Variants in CDC42BPA observed in about 807,000 individuals in gnomAD.
The protein encoded by CDC42BPA is CDC42 binding protein kinase alpha.
Under a neutral mutation model 223.5 loss-of-function variants are expected in CDC42BPA, and 80 were observed. The ratio of observed to expected loss-of-function variants is 0.36; its 90% CI spans 0.30 to 0.43. The LOEUF (loss-of-function observed/expected upper bound fraction) is 0.43. Ranked by LOEUF, CDC42BPA falls within the 20% of genes least tolerant of loss-of-function variation. CDC42BPA has a pLI of 1.00. For synonymous variants in CDC42BPA, 694 were observed against 718.6 expected (o/e 0.97, Z 0.55); for missense variants, 1,743 against 2,099.9 (o/e 0.83, Z 3.32).
At chr1:227,133,584 T>C (rs1657823435) in intron 10 of CDC42BPA, among the ~76,000 whole-genome samples, 1 of 152,178 alleles carries the variant, frequency 6.6e-6, no homozygotes, top group South Asian at 2.1e-4. Context: ...CAGAGAGAAG[T>C]AGACATGGGA....
At chr1:227,298,539 C>T (rs932295782) in intron 1 of CDC42BPA, among the ~76,000 whole-genome samples, 4 of 152,150 alleles carry the variant, frequency 2.6e-5, no homozygotes, top group Non-Finnish European at 4.4e-5. Context: ...CCTTGCCCTA[C>T]GCATCACTTC....
chr1:227,032,483 T>C (rs975548126), intron 27 of CDC42BPA, among the ~76,000 whole-genome samples: 10 of 152,096 alleles, frequency 6.6e-5, no homozygotes, highest in Admixed American at 4.6e-4. Context: ...CCACTCAAGA[T>C]TGCATCGTGG....
chr1:227,140,426 GA>G (rs754252468), intron 9 of CDC42BPA, among the ~76,000 whole-genome samples: 10 of 152,030 alleles, frequency 6.6e-5, no homozygotes, highest in Non-Finnish European at 1.2e-4. Flanking sequence ...AGTAACTTTG[GA>G]AAAAGCTAAG....
At chr1:227,216,389 A>C (rs1674856529) in intron 2 of CDC42BPA, among the ~76,000 whole-genome samples, 1 of 152,236 alleles carries the variant, frequency 6.6e-6, no homozygotes, top group African/African-American at 2.4e-5. Context: ...GTTATCAGGA[A>C]TGCCATGCTG....
chr1:227,044,770 T>C (rs1558362928), intron 23 of CDC42BPA, among the ~76,000 whole-genome samples: 8 of 152,210 alleles, frequency 5.3e-5, no homozygotes, highest in Admixed American at 2.0e-4. Context: ...ATATGTAATG[T>C]CTAAGTTATT....
chr1:227,090,834 G>T (rs1051216794), intron 16 of CDC42BPA, among the ~76,000 whole-genome samples: 3 of 152,048 alleles, frequency 2.0e-5, no homozygotes, highest in African/African-American at 7.2e-5. Context: ...TAAACTTCTG[G>T]TTAATATTAG....
At chr1:227,172,523 G>A (rs1346975191) in intron 5 of CDC42BPA, among the ~76,000 whole-genome samples, 2 of 152,044 alleles carry the variant, frequency 1.3e-5, no homozygotes, top group African/African-American at 4.8e-5. Flanking sequence ...CAAATTATGT[G>A]TAATTATGAA....
intron 3 of CDC42BPA, among the ~76,000 whole-genome samples, chr1:227,209,329 C>CATTA (rs1282339545): frequency 2.0e-5 from 3 of 147,400 alleles, no homozygotes; most frequent in African/African-American, 7.6e-5. Flanking sequence ...TCCTCTTTTC[C>CATTA]TAATTGAATA....
At chr1:227,078,377 T>C (rs1679937149) in intron 17 of CDC42BPA, among the ~76,000 whole-genome samples, 1 of 152,160 alleles carries the variant, frequency 6.6e-6, no homozygotes, top group Non-Finnish European at 1.5e-5. Flanking sequence ...AAATGTTTAG[T>C]TACAAGTTAC....
At chr1:227,273,455 C>CACTCA (rs1182346325) in intron 1 of CDC42BPA, among the ~76,000 whole-genome samples, 3 of 150,750 alleles carry the variant, frequency 2.0e-5, no homozygotes, top group African/African-American at 7.3e-5. Context: ...TAATCCCAGA[C>CACTCA]ACTCAGGAGG....
At chr1:227,014,544 T>C (rs1665842358) in intron 34 of CDC42BPA, among the ~76,000 whole-genome samples, 1 of 150,054 alleles carries the variant, frequency 6.7e-6, no homozygotes, top group Admixed American at 6.7e-5. Context: ...TCCCATGAAA[T>C]AAATGCAAAC....
chr1:227,266,066 T>C (rs1233075776), intron 1 of CDC42BPA, among the ~76,000 whole-genome samples: 1 of 152,182 alleles, frequency 6.6e-6, no homozygotes, highest in Non-Finnish European at 1.5e-5. Context: ...CAACTAATCT[T>C]CCCTTCTTCC....
At chr1:227,100,777 T>C (rs905514589) in intron 15 of CDC42BPA, among the ~76,000 whole-genome samples, 35 of 128,604 alleles carry the variant, frequency 2.7e-4, no homozygotes, top group Middle Eastern at 3.6e-3. Context: ...TGTGTGTGTG[T>C]GCGTGTGCCA....
chr1:227,164,289 T>C (rs969342178), intron 5 of CDC42BPA, among the ~76,000 whole-genome samples: 1 of 152,242 alleles, frequency 6.6e-6, no homozygotes, highest in Non-Finnish European at 1.5e-5. Flanking sequence ...TGGAATTAGC[T>C]TAATATGTTC....
intron 3 of CDC42BPA, among the ~76,000 whole-genome samples, chr1:227,212,352 A>G (rs1398860): frequency 0.31 from 47,517 of 151,964 alleles, 7,621 homozygotes; most frequent in East Asian, 0.37. Context: ...CGAATTTGTC[A>G]TTATTTTCTT....
intron 20 of CDC42BPA, 134 bp downstream of exon 20, chr1:227,072,073 TA>T: frequency 1.8e-6 from 1 of 543,342 alleles, no homozygotes; most frequent in Non-Finnish European, 3.3e-6. Flanking sequence ...TATACACACG[TA>T]TATTCATAAA....
intron 1 of CDC42BPA, among the ~76,000 whole-genome samples, chr1:227,303,007 G>GT (rs201889285): frequency 0.011 from 1,440 of 134,930 alleles, 27 homozygotes; most frequent in East Asian, 0.058. Flanking sequence ...GTTTTTTTGG[G>GT]TTTTTTTTTT....
chr1:227,091,214 A>C (rs1683015134), intron 16 of CDC42BPA, among the ~76,000 whole-genome samples: 1 of 152,184 alleles, frequency 6.6e-6, no homozygotes, highest in African/African-American at 2.4e-5. Flanking sequence ...TATATGAAAA[A>C]AAAGAGTAAG....
intron 3 of CDC42BPA, among the ~76,000 whole-genome samples, chr1:227,203,794 T>C (rs554605402): frequency 2.5e-4 from 38 of 152,202 alleles, no homozygotes; most frequent in Admixed American, 5.2e-4. Flanking sequence ...TTAAATTTTA[T>C]CCTTAATGGA....
Sources: allele counts gnomAD v4.1 joint callset (sites outside exome capture counted in the v4.1 genomes callset), GRCh38; gene constraint gnomAD v4.1.1; transcripts MANE v1.5; gene names NCBI Gene and HGNC (gene_info 2026-07-23, HGNC 2026-07-21).